The following DMRT1 variants were observed in gnomAD, a reference collection of about 807,000 sequenced individuals.
DMRT1 encodes the protein doublesex- and mab-3-related transcription factor 1.
In DMRT1, 7 loss-of-function variants were observed where a neutral mutation model predicts 32.3. The ratio of observed to expected loss-of-function variants is 0.22; its 90% confidence interval spans 0.12 to 0.41. The LOEUF (loss-of-function observed/expected upper bound fraction) is 0.41, where lower values mean the gene tolerates loss of function less well. Ranked by LOEUF, DMRT1 falls within the 10% of genes least tolerant of loss-of-function variation. DMRT1 has a pLI of 1.00. For missense variants in DMRT1, 625 were observed against 500.5 expected, an observed-to-expected ratio of 1.25 and a Z score of -2.37; for synonymous variants, 278 against 206.1, an observed-to-expected ratio of 1.35 and a Z score of -2.99.
Position 871,407 on chromosome 9 carries a change from A to C in DMRT1, c.539-22505A>C, listed in dbSNP as rs552258570. 1.5e-3 allele frequency among the ~76,000 whole-genome samples: 218 copies of C among 146,564 alleles called. 2 individuals are homozygous for C. Among genetic ancestry groups the C allele is most frequent in the African/African-American group, 5.2e-3 (203 of 38,948 alleles). Reference sequence around the variant, plus strand: ...GAGTGCAGTGGCACAATCTCGGCTCACTGCAAGCTCCGCGTCCCGGGTTCA... The same window carrying C: ...GAGTGCAGTGGCACAATCTCGGCTCCCTGCAAGCTCCGCGTCCCGGGTTCA... On this transcript the variant is annotated intron_variant, in intron 2 of 4. Coordinates refer to ENST00000382276, the MANE Select transcript of DMRT1 (RefSeq NM_021951.3).
intron 3 of DMRT1, among the ~76,000 whole-genome samples, chr9:915,094 C>A (rs191546449): frequency 6.6e-6 from 1 of 152,342 alleles, no homozygotes; most frequent in East Asian, 1.9e-4. Flanking sequence ...TGAAATTACT[C>A]ATATTTCTGG....
At chr9:880,844 C>T (rs1816708047) in intron 2 of DMRT1, among the ~76,000 whole-genome samples, 1 of 152,102 alleles carries the variant, frequency 6.6e-6, no homozygotes, top group African/African-American at 2.4e-5. Context: ...CCCGTCACCA[C>T]AGCAAAAAAG....
intron 2 of DMRT1, among the ~76,000 whole-genome samples, chr9:861,050 CTTTT>C (rs140608243): frequency 0.29 from 35,113 of 121,052 alleles, 4,490 homozygotes; most frequent in Middle Eastern, 0.4. Context: ...AATTTACTTT[CTTTT>C]TTTTTTTTTT....
chr9:854,112 A>C (rs12350993), intron 2 of DMRT1, among the ~76,000 whole-genome samples: 2 of 146,942 alleles, frequency 1.4e-5, no homozygotes, highest in African/African-American at 5.0e-5. Flanking sequence ...CACTAAGCCC[A>C]TTTTTTTTTT....
chr9:844,719 C>CTTTT (rs35980858), intron 1 of DMRT1, among the ~76,000 whole-genome samples: 42 of 116,866 alleles, frequency 3.6e-4, no homozygotes, highest in African/African-American at 5.4e-4. Flanking sequence ...TTCTTTCTTT[C>CTTTT]TTTTTTTTTT....
At chr9:882,948 T>C (rs1300052838) in intron 2 of DMRT1, among the ~76,000 whole-genome samples, 1 of 151,660 alleles carries the variant, frequency 6.6e-6, no homozygotes, top group African/African-American at 2.4e-5. Context: ...ATTTTTGTAT[T>C]TTTAGTAGAG....
intron 4 of DMRT1, among the ~76,000 whole-genome samples, chr9:924,272 A>C (rs1221221562): frequency 1.3e-5 from 2 of 151,948 alleles, no homozygotes; most frequent in Admixed American, 1.3e-4. Flanking sequence ...GGGTTTCTAC[A>C]TGTCAGCCAG....
At chr9:888,286 T>C (rs1817008754) in intron 2 of DMRT1, among the ~76,000 whole-genome samples, 1 of 149,044 alleles carries the variant, frequency 6.7e-6, no homozygotes, top group Admixed American at 6.8e-5. Context: ...GCCTAGCTTT[T>C]CAATACAATG....
At chr9:917,528 G>A (rs1400613843) in intron 4 of DMRT1, among the ~76,000 whole-genome samples, 2 of 152,180 alleles carry the variant, frequency 1.3e-5, no homozygotes, top group African/African-American at 2.4e-5. Flanking sequence ...CAGCTGCTGC[G>A]TTTCCAGATC....
Position 965,643 on chromosome 9 carries a change from G to A in DMRT1, c.968-2342G>A, listed in dbSNP as rs1263538438. ...GCTGCTAACTGGAAACAGGCCCAGG[G>A]CTCTGAACATGTTGGGAGAACACAT... is the stretch of plus-strand genomic sequence containing the variant. On this transcript the variant is annotated intron_variant, in intron 4 of 4. Transcript: ENST00000382276. This position sits in a 1 kb window ranked among gnomAD's most constrained non-coding sequence, Gnocchi z 4.5. Among the ~76,000 whole-genome samples the A allele has an allele frequency of 6.6e-6, 1 of 152,234 alleles. No homozygotes were observed. The highest frequency in any genetic ancestry group is 1.5e-5 in the Non-Finnish European group (1 of 68,046).
At chr9:867,578 T>C (rs1270433826) in intron 2 of DMRT1, among the ~76,000 whole-genome samples, 1 of 152,234 alleles carries the variant, frequency 6.6e-6, no homozygotes, top group Non-Finnish European at 1.5e-5. Context: ...AAGTATGTTT[T>C]TCCAATTATA....
At chr9:893,438 G>A (rs899763704) in intron 2 of DMRT1, among the ~76,000 whole-genome samples, 1 of 152,238 alleles carries the variant, frequency 6.6e-6, no homozygotes, top group African/African-American at 2.4e-5. Context: ...CCAGATTTCT[G>A]AAGATACCTG....
In DMRT1 at chr9:947,289, G is replaced by A. The variant is rs1007776615; in HGVS notation, c.968-20696G>A. Among the ~76,000 whole-genome samples the A allele has an allele frequency of 6.6e-5, 10 of 152,272 alleles. No individual in the cohort carries two copies. In the East Asian group the frequency reaches 1.3e-3, roughly 21 times the overall value. On this transcript the variant is annotated intron_variant, in intron 4 of 4. Coordinates refer to ENST00000382276, the MANE Select transcript of DMRT1 (RefSeq NM_021951.3). The stretch of plus-strand genomic sequence containing the variant: ...TTTTTTTTAAAGCTCATCAGTTGTC[G>A]TTAGTGTTAGTGCATTTTACATGTG...
rs756450039 is a variant in DMRT1, at chr9:846,965, C to T, written c.360C>T (p.Ala120=). The change falls in exon 2 of 5, where the codon GCC becomes GCT. Residue 120 remains alanine, a synonymous_variant. Transcript: ENST00000382276. ...ERQRVMAAQV[A]LRRQQAQEEE... ...TCATTGTCGTGTGCTTCCAGGTGGC[C>T]CTGAGAAGGCAGCAGGCCCAGGAGG... is the stretch of plus-strand genomic sequence containing the variant. 5.6e-6 allele frequency: 9 copies of T among 1,613,966 alleles called. No homozygotes were observed. In the African/African-American group the frequency reaches 1.1e-4, roughly 19 times the overall value.
chr9:939,281 C>G (rs1246574204), intron 4 of DMRT1, among the ~76,000 whole-genome samples: 1 of 152,230 alleles, frequency 6.6e-6, no homozygotes, highest in Non-Finnish European at 1.5e-5. Flanking sequence ...CTCCTTTTAA[C>G]TGTCTGCTTA....
At chr9:915,812 A>C (rs566831074) in intron 3 of DMRT1, among the ~76,000 whole-genome samples, 9 of 151,726 alleles carry the variant, frequency 5.9e-5, no homozygotes, top group African/African-American at 1.7e-4. Context: ...GGCTCAGTAC[A>C]AGCTCTGCCT....
intron 3 of DMRT1, among the ~76,000 whole-genome samples, chr9:910,631 G>A (rs1039386435): frequency 6.6e-5 from 10 of 151,780 alleles, no homozygotes; most frequent in East Asian, 1.9e-4. Flanking sequence ...ATTATGGCTC[G>A]GGTTTACTGT....
chr9:915,718 T>C (rs1818153907), intron 3 of DMRT1, among the ~76,000 whole-genome samples: 1 of 152,006 alleles, frequency 6.6e-6, no homozygotes, highest in Non-Finnish European at 1.5e-5. Context: ...ACAGTATTTA[T>C]TTATTTGTTT....
chr9:915,733 T>A lies in DMRT1; in HGVS notation c.823-1030T>A, dbSNP rs541454618. Among the ~76,000 whole-genome samples, 150 of 152,040 alleles carry A rather than the reference T, an allele frequency of 9.9e-4. 1 individual carries two copies. The highest frequency in any genetic ancestry group is 1.6e-3 in the Non-Finnish European group (110 of 67,994). ...ACAGTATTTATTTATTTGTTTTTTT[T>A]AATATATATATATTTTTTAGACAGA... On this transcript the variant is annotated intron_variant, in intron 3 of 4. Coordinates refer to ENST00000382276, the MANE Select transcript of DMRT1 (RefSeq NM_021951.3).
Sources: gnomAD v4.1 joint callset for allele counts (sites outside exome capture counted in the v4.1 genomes callset) on GRCh38, gnomAD v4.1.1 for gene constraint, Gnocchi (gnomAD v3.1) non-coding constraint, MANE v1.5 for transcripts, NCBI Gene and HGNC (gene_info 2026-07-23, HGNC 2026-07-21) for gene names.